Variants in AK9 observed in about 807,000 individuals in gnomAD.
The protein encoded by AK9 is adenylate kinase 9, also known as adenylate kinase domain containing 1.
A neutral mutation model predicts 239.6 loss-of-function variants in AK9; 191 were observed. The observed-to-expected ratio is 0.80, with a 90% confidence interval of 0.71 to 0.90. The LOEUF is 0.90. AK9 is among the 40% of genes least tolerant of loss of function. The pLI, the probability that AK9 is intolerant of heterozygous loss-of-function variation, is 0.00. For synonymous variants in AK9, 689 were observed against 721.0 expected (o/e 0.96, Z 0.71); for missense variants, 1,995 against 2,214.7 (o/e 0.90, Z 1.99).
At chr6:109,612,514 C>A (rs765134957) in intron 15 of AK9, among the ~76,000 whole-genome samples, 1 of 152,106 alleles carries the variant, frequency 6.6e-6, no homozygotes, top group Non-Finnish European at 1.5e-5. Flanking sequence ...ACTGCCTCCC[C>A]CAAAGATGGA....
intron 10 of AK9, among the ~76,000 whole-genome samples, chr6:109,638,733 T>C (rs772893383): frequency 1.3e-5 from 2 of 152,224 alleles, no homozygotes; most frequent in Non-Finnish European, 2.9e-5. Context: ...ACATATGCCA[T>C]GGTGGTCTGA....
chr6:109,511,496 T>C (rs985728883), intron 32 of AK9, among the ~76,000 whole-genome samples: 3 of 152,216 alleles, frequency 2.0e-5, no homozygotes, highest in African/African-American at 4.8e-5. Flanking sequence ...TACATAGATG[T>C]TGCCACTGGC....
chr6:109,681,837 T>A (rs1772683523), intron 1 of AK9, among the ~76,000 whole-genome samples: 1 of 152,134 alleles, frequency 6.6e-6, no homozygotes, highest in African/African-American at 2.4e-5. Flanking sequence ...CCTGAATGAC[T>A]ACTGGGTAAA....
At chr6:109,642,683 T>C (rs1797603033) in intron 9 of AK9, among the ~76,000 whole-genome samples, 1 of 151,916 alleles carries the variant, frequency 6.6e-6, no homozygotes, top group Non-Finnish European at 1.5e-5. Context: ...TGCTGGTGAA[T>C]GGGATGTGGG....
At chr6:109,533,894 T>C (rs1380560585) in intron 27 of AK9, among the ~76,000 whole-genome samples, 1 of 152,048 alleles carries the variant, frequency 6.6e-6, no homozygotes, top group Non-Finnish European at 1.5e-5. Flanking sequence ...AGAAAATAAG[T>C]TCTCTGTTTG....
In AK9 at chr6:109,533,232, A is replaced by G; in HGVS notation, c.3570+19T>C. 6.4e-7 allele frequency: 1 copy of G among 1,565,762 alleles called. No individual in the cohort carries two copies. On this transcript the variant is annotated intron_variant, in intron 28 of 40. Transcript: ENST00000424296. ...GATGCTGAACAGATTTATTCAATGCATTTTTGCTAGATACATACCCTGATT... is the reference window on the plus strand; with the variant it reads ...GATGCTGAACAGATTTATTCAATGCGTTTTTGCTAGATACATACCCTGATT...
Position 109,495,403 on chromosome 6 carries a change from T to G in AK9, c.5353A>C (p.Lys1785Gln). ...LKYWEQKLPH[K>Q]LPPLREPILL... ...ATCGGTTCCCTTAATGGGGGAAGCT[T>G]GTGTGGAAGCTTCTGTTCCCAGTAT... Residue 1785 changes from lysine (K) to glutamine (Q), a missense_variant, in exon 39 of 41, where the codon AAG (lysine) becomes CAG (glutamine). By Grantham distance (53) the Lys-to-Gln change is moderately conservative. This residue lies in a region of AK9 where 391 missense variants were observed against 456.0 expected (regional missense o/e 0.86). Coordinates refer to ENST00000424296, the MANE Select transcript of AK9 (RefSeq NM_001145128.3). 1 of 1,613,770 alleles carries G rather than the reference T, an allele frequency of 6.2e-7. No individual in the cohort carries two copies. The highest frequency in any genetic ancestry group is 8.5e-7 in the Non-Finnish European group (1 of 1,179,900).
chr6:109,519,644 T>TA (rs1779629760), intron 29 of AK9, among the ~76,000 whole-genome samples: 1 of 151,210 alleles, frequency 6.6e-6, no homozygotes, highest in Non-Finnish European at 1.5e-5. Context: ...AAGTAAAAAA[T>TA]AAAAAAATAG....
At chr6:109,636,395 G>A (rs532731716) in intron 10 of AK9, among the ~76,000 whole-genome samples, 3 of 151,870 alleles carry the variant, frequency 2.0e-5, no homozygotes, top group East Asian at 3.9e-4. Context: ...TTTTTTAATT[G>A]TGGCAAAATA....
chr6:109,667,227 TG>T (rs779376376), intron 5 of AK9, among the ~76,000 whole-genome samples: 8 of 152,046 alleles, frequency 5.3e-5, no homozygotes, highest in African/African-American at 1.9e-4. Context: ...GTGATGTCCC[TG>T]GAAGTGCACA....
chr6:109,556,169 T>C (rs1784991061), intron 24 of AK9, among the ~76,000 whole-genome samples: 1 of 152,212 alleles, frequency 6.6e-6, no homozygotes, highest in Non-Finnish European at 1.5e-5. Context: ...CCAGTACATA[T>C]TTAGTGCTTC....
At chr6:109,582,626 T>C (rs1788994607) in intron 19 of AK9, among the ~76,000 whole-genome samples, 1 of 152,196 alleles carries the variant, frequency 6.6e-6, no homozygotes, top group African/African-American at 2.4e-5. Flanking sequence ...ATGGAATCTA[T>C]TCTTGGTGAA....
chr6:109,683,098 G>T (rs1357421337), intron 1 of AK9, among the ~76,000 whole-genome samples: 1 of 152,114 alleles, frequency 6.6e-6, no homozygotes, highest in Non-Finnish European at 1.5e-5. Context: ...TTCAACATAT[G>T]CAAATCAATA....
intron 22 of AK9, 85 bp downstream of exon 22, chr6:109,564,671 C>T (rs1436348181): frequency 2.0e-6 from 2 of 990,068 alleles, no homozygotes; most frequent in Admixed American, 5.7e-5. Context: ...TATGACGCAC[C>T]TACTATGCCT....
chr6:109,535,190 C>A (rs1053270254), intron 27 of AK9, among the ~76,000 whole-genome samples: 2 of 152,204 alleles, frequency 1.3e-5, no homozygotes, highest in Non-Finnish European at 2.9e-5. Context: ...CACTGTCTTC[C>A]ACAATGGTTG....
intron 17 of AK9, among the ~76,000 whole-genome samples, chr6:109,593,014 G>A (rs948705394): frequency 6.6e-6 from 1 of 151,950 alleles, no homozygotes; most frequent in East Asian, 1.9e-4. Flanking sequence ...TAACTAGTAG[G>A]TTGGGACACT....
chr6:109,553,207 G>A (rs183979931), intron 24 of AK9, among the ~76,000 whole-genome samples: 1 of 152,292 alleles, frequency 6.6e-6, no homozygotes, highest in Non-Finnish European at 1.5e-5. Flanking sequence ...GATTCCATAT[G>A]AAATTTAAGT....
chr6:109,533,492 T>C (rs1781547680), intron 27 of AK9, 22 bp from the exon 28 acceptor site: 2 of 1,545,624 alleles, frequency 1.3e-6, no homozygotes, highest in South Asian at 1.2e-5. Context: ...TTTCATAATT[T>C]ACTTTATTTC....
At chr6:109,554,892 C>T (rs549274938) in intron 24 of AK9, among the ~76,000 whole-genome samples, 2 of 152,158 alleles carry the variant, frequency 1.3e-5, no homozygotes, top group East Asian at 1.9e-4. Flanking sequence ...GTTATTGTGT[C>T]TGTTTGATTC....
Sources: gnomAD v4.1 joint callset for allele counts (sites outside exome capture counted in the v4.1 genomes callset) on GRCh38, gnomAD v4.1.1 for gene constraint, gnomAD v4.1.1 regional missense constraint, MANE v1.5 for transcripts, NCBI Gene and HGNC (gene_info 2026-07-23, HGNC 2026-07-21) for gene names.